The following TPRG1 variants were observed in gnomAD, a reference collection of about 807,000 sequenced individuals.
The protein encoded by TPRG1 is tumor protein p63-regulated gene 1 protein.
Under a neutral mutation model 29.3 loss-of-function variants are expected in TPRG1, and 29 were observed. The observed-to-expected ratio is 0.99, with a 90% CI of 0.74 to 1.35. The LOEUF (loss-of-function observed/expected upper bound fraction) is 1.35. Ranked by LOEUF, TPRG1 falls within the 40% of genes most tolerant of loss-of-function variation. The pLI is 0.00. For missense variants in TPRG1, 327 were observed against 335.0 expected, an observed-to-expected ratio of 0.98 and a Z score of 0.19; for synonymous variants, 130 against 116.8, an observed-to-expected ratio of 1.11 and a Z score of -0.73.
intron 3 of TPRG1, among the ~76,000 whole-genome samples, chr3:189,144,904 C>T (rs1725042400): frequency 1.3e-5 from 2 of 152,342 alleles, no homozygotes; most frequent in South Asian, 4.1e-4. Flanking sequence ...TCATGTCTTA[C>T]ACACTGGTTT....
intron 5 of TPRG1, among the ~76,000 whole-genome samples, chr3:189,165,881 G>A (rs896714015): frequency 3.9e-5 from 6 of 152,272 alleles, no homozygotes; most frequent in Non-Finnish European, 8.8e-5. Flanking sequence ...AATCTCTTAG[G>A]CTACAGGAAC....
At chr3:189,168,638 T>C (rs1182348833), upstream of TPRG1, among the ~76,000 whole-genome samples, 2 of 152,156 alleles carry the variant, frequency 1.3e-5, no homozygotes, top group African/African-American at 4.8e-5. Flanking sequence ...GTGACGTGTG[T>C]GGTGTACTAT....
chr3:189,191,428 T>A (rs1414655440), intron 1 of TPRG1, among the ~76,000 whole-genome samples: 1 of 152,214 alleles, frequency 6.6e-6, no homozygotes, highest in East Asian at 1.9e-4. Flanking sequence ...CCCCTATTGT[T>A]CTAGCTCTTT....
chr3:189,280,349 C>T (rs1380896600), intron 4 of TPRG1, among the ~76,000 whole-genome samples: 2 of 128,716 alleles, frequency 1.6e-5, no homozygotes, highest in Non-Finnish European at 3.3e-5. Context: ...AGATGACGAA[C>T]TAGGACTTAC....
chr3:189,043,269 C>T (rs1714745741), intron 4 of TPRG1, among the ~76,000 whole-genome samples: 1 of 152,152 alleles, frequency 6.6e-6, no homozygotes, highest in Non-Finnish European at 1.5e-5. Context: ...GGGGAAACAA[C>T]ATGATGGGGA....
intron 4 of TPRG1, among the ~76,000 whole-genome samples, chr3:189,270,017 ATCTTCTTCT>A (rs72453037): frequency 0.087 from 12,929 of 148,746 alleles, 617 homozygotes; most frequent in African/African-American, 0.12. Flanking sequence ...TCTTCTCTGG[ATCTTCTTCT>A]TCTTCTTCTT....
intron 1 of TPRG1, among the ~76,000 whole-genome samples, chr3:189,202,198 C>A (rs762573297): frequency 1.3e-5 from 2 of 152,050 alleles, no homozygotes; most frequent in African/African-American, 2.4e-5. Flanking sequence ...TTAAAAAAAG[C>A]GGAAAGAATC....
At chr3:189,288,059 AAGAG>A (rs201232269) in intron 4 of TPRG1, among the ~76,000 whole-genome samples, 7 of 151,758 alleles carry the variant, frequency 4.6e-5, no homozygotes, top group African/African-American at 1.7e-4. Context: ...TGAGAGAGAA[AAGAG>A]AGAGACAGAG....
intron 3 of TPRG1, among the ~76,000 whole-genome samples, chr3:189,020,044 T>C (rs1314292335): frequency 2.0e-5 from 3 of 152,072 alleles, no homozygotes; most frequent in Non-Finnish European, 2.9e-5. Flanking sequence ...TATTCTCTGA[T>C]GGTAGTTTGT....
intron 4 of TPRG1, among the ~76,000 whole-genome samples, chr3:189,032,352 C>G (rs895067394): frequency 5.9e-5 from 9 of 152,150 alleles, no homozygotes; most frequent in Non-Finnish European, 1.0e-4. Context: ...GAAAGCAGTC[C>G]TGCACCTTGA....
intron 3 of TPRG1, chr3:189,023,609 A>C (rs576309845): frequency 2.0e-5 from 3 of 152,222 alleles, no homozygotes; most frequent in African/African-American, 7.2e-5. Flanking sequence ...GCATTTTTGC[A>C]CTGATTCTTT....
chr3:189,022,894 GA>G (rs1176583660), intron 3 of TPRG1, among the ~76,000 whole-genome samples: 2 of 152,236 alleles, frequency 1.3e-5, no homozygotes, highest in African/African-American at 4.8e-5. Flanking sequence ...CGTGGGGTAG[GA>G]CCCTCCGAGC....
At chr3:189,051,658 C>T in intron 4 of TPRG1, among the ~76,000 whole-genome samples, 1 of 152,166 alleles carries the variant, frequency 6.6e-6, no homozygotes, top group East Asian at 1.9e-4. Flanking sequence ...GCAAAAAGAG[C>T]AAATCTGGAG....
intron 1 of TPRG1, among the ~76,000 whole-genome samples, chr3:189,177,139 G>A (rs1329714407): frequency 1.3e-5 from 2 of 152,132 alleles, no homozygotes; most frequent in Admixed American, 1.3e-4. Context: ...TTTGATTCTA[G>A]TGGCTGATAT....
intron 3 of TPRG1, among the ~76,000 whole-genome samples, chr3:189,143,201 CA>C (rs1429181872): frequency 2.0e-5 from 3 of 152,086 alleles, no homozygotes; most frequent in African/African-American, 7.2e-5. Context: ...AAAGGTTTTA[CA>C]TCCATCAGAT....
chr3:189,187,765 A>G (rs1270298008), intron 1 of TPRG1, among the ~76,000 whole-genome samples: 6 of 152,232 alleles, frequency 3.9e-5, no homozygotes, highest in Non-Finnish European at 7.3e-5. Flanking sequence ...CTGACTCCAA[A>G]GCTTTCTCTA....
At chr3:189,043,877 G>T (rs1409311697) in intron 4 of TPRG1, among the ~76,000 whole-genome samples, 1 of 152,178 alleles carries the variant, frequency 6.6e-6, no homozygotes, top group South Asian at 2.1e-4. Context: ...AAGAGAGCTG[G>T]GTCTCTCGAG....
At chr3:189,193,738 C>T (rs909033135) in intron 1 of TPRG1, among the ~76,000 whole-genome samples, 15 of 150,690 alleles carry the variant, frequency 1.0e-4, no homozygotes, top group Non-Finnish European at 1.5e-4. Context: ...CAGAATACTG[C>T]GGGATTTCTG....
chr3:189,106,828 C>A (rs568868947), intron 1 of TPRG1, among the ~76,000 whole-genome samples: 1 of 151,932 alleles, frequency 6.6e-6, no homozygotes, highest in Non-Finnish European at 1.5e-5. Flanking sequence ...ATCTGATGAA[C>A]CTAGGGCCCA....
Sources: gnomAD v4.1 joint callset for allele counts (sites outside exome capture counted in the v4.1 genomes callset) on GRCh38, gnomAD v4.1.1 for gene constraint, MANE v1.5 for transcripts, NCBI Gene and HGNC (gene_info 2026-07-23, HGNC 2026-07-21) for gene names.